The following ASXL2 variants were observed in gnomAD, a reference collection of about 807,000 sequenced individuals.
ASXL2 encodes putative Polycomb group protein ASXL2.
In ASXL2, 23 loss-of-function variants were observed where a neutral mutation model predicts 122.0. The ratio of observed to expected loss-of-function variants is 0.19; its 90% confidence interval spans 0.14 to 0.27. The LOEUF is 0.27. Among genes scored for constraint, ASXL2 ranks in the 10% least tolerant of loss-of-function variants. ASXL2 has a pLI of 1.00. For missense variants in ASXL2, 1,518 were observed against 1,713.8 expected (o/e 0.89, Z 2.02); for synonymous variants, 650 against 637.0 (o/e 1.02, Z -0.31).
rs2149146415 is a variant in ASXL2, at chr2:25,759,520, G to T, written c.901C>A (p.Gln301Lys). The change falls in exon 9 of 13, where the codon CAA becomes AAA. Residue 301 changes from glutamine (Q) to lysine (K), a missense_variant. This residue lies in a region of ASXL2 where 92 missense variants were observed against 156.6 expected (regional missense o/e 0.59). Transcript: ENST00000435504. ...TCTGGGAGTAGTAAAAGCAGTCGTTGCTGGCAATCTCCAGGAAGGACTGAA... is the reference window on the plus strand; with the variant it reads ...TCTGGGAGTAGTAAAAGCAGTCGTTTCTGGCAATCTCCAGGAAGGACTGAA... ...TFSVLPGDCQ[Q>K]RLLLLLPEVD... The T allele has an allele frequency of 1.2e-6, 2 of 1,613,958 alleles. No homozygotes were observed. The highest frequency in any genetic ancestry group is 1.7e-6 in the Non-Finnish European group (2 of 1,179,860).
At chr2:25,795,008 C>A (rs1472521886) in intron 5 of ASXL2, among the ~76,000 whole-genome samples, 1 of 152,002 alleles carries the variant, frequency 6.6e-6, no homozygotes, top group African/African-American at 2.4e-5. Flanking sequence ...CATGTATGAC[C>A]CATGAAAGAC....
intron 9 of ASXL2, 54 bp from the exon 10 acceptor site, chr2:25,756,168 G>A (rs891545581): frequency 5.3e-6 from 6 of 1,122,812 alleles, no homozygotes; most frequent in Admixed American, 2.6e-5. Context: ...AAGGTATCAC[G>A]TCGTATTTGA....
At chr2:25,760,052 T>C (rs1424643534) in intron 8 of ASXL2, among the ~76,000 whole-genome samples, 4 of 151,868 alleles carry the variant, frequency 2.6e-5, no homozygotes, top group Non-Finnish European at 5.9e-5. Flanking sequence ...TCTCATGACT[T>C]TTTTTTTCAC....
In ASXL2 at chr2:25,759,791, A is replaced by T; in HGVS notation, c.776-146T>A. 4.9e-6 allele frequency: 4 copies of T among 822,594 alleles called. No individual in the cohort carries two copies. In the Admixed American group the frequency reaches 1.2e-4, roughly 26 times the overall value. The allele number at this position is 822,594 out of a possible 1,614,324, so 51.0% of individuals were successfully genotyped here. A position where few individuals can be genotyped will look rare whatever the true frequency, so the allele number is the denominator to read the frequency against. On this transcript the variant is annotated intron_variant, in intron 8 of 12. Coordinates refer to ENST00000435504, the MANE Select transcript of ASXL2 (RefSeq NM_018263.6). ...AGAAGGTAACACTTAAGATCTTAGA[A>T]TTTTCTTCTAAGACTAACAAAACAA...
At chr2:25,754,979 T>C (rs1485421599) in intron 10 of ASXL2, among the ~76,000 whole-genome samples, 1 of 152,206 alleles carries the variant, frequency 6.6e-6, no homozygotes, top group Non-Finnish European at 1.5e-5. Flanking sequence ...CTAGATTATA[T>C]ATTAGCTGTT....
chr2:25,871,914 T>C (rs2089964741), intron 1 of ASXL2, among the ~76,000 whole-genome samples: 1 of 152,206 alleles, frequency 6.6e-6, no homozygotes, highest in Non-Finnish European at 1.5e-5. Flanking sequence ...GTTTTGAAAA[T>C]TATGCATCAG....
chr2:25,842,950 T>C (rs2089604478), intron 2 of ASXL2, among the ~76,000 whole-genome samples: 1 of 151,252 alleles, frequency 6.6e-6, no homozygotes, highest in Non-Finnish European at 1.5e-5. Flanking sequence ...GCCATCCAAG[T>C]AGCTGGGATT....
chr2:25,876,063 G>T (rs1394384733), intron 1 of ASXL2, among the ~76,000 whole-genome samples: 2 of 151,902 alleles, frequency 1.3e-5, no homozygotes, highest in African/African-American at 4.8e-5. Flanking sequence ...AATTAAGAGT[G>T]TTTTCTAGAT....
chr2:25,855,120 TTATC>T (rs777162807), intron 1 of ASXL2, among the ~76,000 whole-genome samples: 6 of 152,288 alleles, frequency 3.9e-5, no homozygotes, highest in East Asian at 1.9e-4. Flanking sequence ...ACCTCAAAGT[TTATC>T]TATCACTCAA....
At chr2:25,816,821 AG>A (rs2089243390) in intron 3 of ASXL2, among the ~76,000 whole-genome samples, 1 of 152,216 alleles carries the variant, frequency 6.6e-6, no homozygotes, top group Non-Finnish European at 1.5e-5. Context: ...ATTCAAACAA[AG>A]AGGCAATAGA....
At chr2:25,873,330 G>A (rs2089979347) in intron 1 of ASXL2, among the ~76,000 whole-genome samples, 1 of 152,132 alleles carries the variant, frequency 6.6e-6, no homozygotes, top group Admixed American at 6.5e-5. Flanking sequence ...AGAATCACTT[G>A]AACCCAGGAG....
chr2:25,737,980 T>A lies in ASXL2; in HGVS notation c.*4049A>T, dbSNP rs1463197682. 1 of 152,150 alleles carries A rather than the reference T, an allele frequency of 6.6e-6. No homozygotes were observed. Among genetic ancestry groups the A allele is most frequent in the Admixed American group, 6.5e-5 (1 of 15,270 alleles). 9.4% of individuals were successfully genotyped at this position (152,150 alleles called of 1,614,324 possible). Reference sequence around the variant, plus strand: ...AGCCAGAAGGGAAAAAAATAGCTTGTGGTAAATAAGTCAATTTTCTTTTAA... The same window carrying A: ...AGCCAGAAGGGAAAAAAATAGCTTGAGGTAAATAAGTCAATTTTCTTTTAA... On this transcript the variant is annotated 3_prime_UTR_variant, in exon 13 of 13. Transcript: ENST00000435504.
At chr2:25,843,544 A>G (rs980716190) in intron 2 of ASXL2, among the ~76,000 whole-genome samples, 3 of 152,172 alleles carry the variant, frequency 2.0e-5, no homozygotes, top group Non-Finnish European at 4.4e-5. Flanking sequence ...TTTCATACCA[A>G]TGAAGCAAAC....
chr2:25,840,013 G>A (rs924929266), intron 2 of ASXL2, among the ~76,000 whole-genome samples: 8 of 151,254 alleles, frequency 5.3e-5, no homozygotes, highest in Non-Finnish European at 1.0e-4. Flanking sequence ...TTACAGGCAT[G>A]AGCCACCATG....
intron 1 of ASXL2, among the ~76,000 whole-genome samples, chr2:25,859,205 T>C (rs1225547166): frequency 6.6e-6 from 1 of 152,060 alleles, no homozygotes; most frequent in Non-Finnish European, 1.5e-5. Context: ...GCCTCCCAAG[T>C]AGCTGGGACT....
intron 2 of ASXL2, 37 bp from the exon 3 acceptor site, chr2:25,835,577 G>GA (rs752532933): frequency 1.1e-3 from 284 of 247,992 alleles, no homozygotes; most frequent in South Asian, 1.8e-3. Flanking sequence ...ATGAAAGAAG[G>GA]AAAAAAAAAG....
chr2:25,836,761 G>A (rs1331696164), intron 2 of ASXL2, among the ~76,000 whole-genome samples: 1 of 152,070 alleles, frequency 6.6e-6, no homozygotes, highest in African/African-American at 2.4e-5. Context: ...TAATCTTATA[G>A]TGTGAAAGAT....
intron 8 of ASXL2, among the ~76,000 whole-genome samples, chr2:25,765,738 A>G (rs193219842): frequency 4.6e-5 from 7 of 152,262 alleles, no homozygotes; most frequent in Non-Finnish European, 7.4e-5. Context: ...CAATTTACTA[A>G]AATTTTCAAT....
chr2:25,743,783 C>A lies in ASXL2; in HGVS notation c.2554G>T (p.Asp852Tyr), dbSNP rs1397489883. The A allele has an allele frequency of 6.2e-7, 1 of 1,614,036 alleles. No individual in the cohort carries two copies. Among genetic ancestry groups the A allele is most frequent in the Non-Finnish European group, 8.5e-7 (1 of 1,179,900 alleles). Residue 852 changes from aspartate to tyrosine, a missense_variant, in exon 13 of 13, where the codon GAT (aspartate) becomes TAT (tyrosine). By Grantham distance (160) the Asp-to-Tyr change is radical. Around this residue, in one of 8 missense-constraint regions of ASXL2, gnomAD observed 831 missense variants for 833.1 expected, o/e 1.00. Transcript: ENST00000435504. ...CCTGCTTTGAGCTCAACTGTGCCATCAGCTGCACAATGAACAGGTGAGGCA... is the reference window on the plus strand; with the variant it reads ...CCTGCTTTGAGCTCAACTGTGCCATAAGCTGCACAATGAACAGGTGAGGCA... ...SGASPVHCAA[D>Y]GTVELKAGPS... is the part of the protein sequence containing the mutation.
Sources: allele counts gnomAD v4.1 joint callset (sites outside exome capture counted in the v4.1 genomes callset), GRCh38; gene constraint gnomAD v4.1.1; regional missense constraint gnomAD v4.1.1; transcripts MANE v1.5; gene names NCBI Gene and HGNC (gene_info 2026-07-23, HGNC 2026-07-21).